Variants in RPAP2 observed in about 807,000 individuals in gnomAD.
RPAP2 encodes RNA polymerase II associated protein 2.
A neutral mutation model predicts 73.1 loss-of-function variants in RPAP2; 52 were observed. That is an observed-to-expected ratio of 0.71 (90% CI 0.57 to 0.90). The LOEUF (loss-of-function observed/expected upper bound fraction) is 0.90, where lower values mean the gene tolerates loss of function less well. Ranked by LOEUF, RPAP2 falls within the 40% of genes least tolerant of loss-of-function variation. The probability of loss-of-function intolerance (pLI) is 0.00; values close to 1 mark genes in which losing one functional copy is unlikely to be tolerated. For synonymous variants in RPAP2, 225 were observed against 242.1 expected, an observed-to-expected ratio of 0.93 and a Z score of 0.65; for missense variants, 598 against 701.8, an observed-to-expected ratio of 0.85 and a Z score of 1.67.
At chr1:92,302,288 T>C (rs988633874) in intron 3 of RPAP2, among the ~76,000 whole-genome samples, 5 of 122,004 alleles carry the variant, frequency 4.1e-5, no homozygotes, top group African/African-American at 1.5e-4. Flanking sequence ...AAAATAAGTA[T>C]ATAAATAATA....
At position 92,386,091 on chromosome 1, in the gene RPAP2, G is replaced by A. The variant is rs1168202944; in HGVS notation, c.*-920G>A. 5.3e-5 allele frequency among the ~76,000 whole-genome samples: 8 copies of A among 152,268 alleles called. No individual in the cohort carries two copies. The South Asian group carries it at 8.3e-4, about 16-fold the overall frequency. ...CACAACATGGCATGTGGCTTCCATC[G>A]GAGTGAGCCAGTGAGAGAGGATACC... On this transcript the variant is annotated intron_variant, in intron 12 of 12. Coordinates refer to ENST00000610020, the MANE Select transcript of RPAP2 (RefSeq NM_024813.3).
In RPAP2 at chr1:92,305,432, C is replaced by CAAAAA. The variant is rs71091273; in HGVS notation, c.399+1098_399+1102dup. 2.4e-3 allele frequency among the ~76,000 whole-genome samples: 124 copies of CAAAAA among 52,600 alleles called. 11 individuals are homozygous for CAAAAA. Among genetic ancestry groups the CAAAAA allele is most frequent in the East Asian group, 5.5e-3 (4 of 728 alleles). 34.5% of individuals were successfully genotyped at this position (52,600 alleles called of 152,430 possible). On this transcript the variant is annotated intron_variant, in intron 5 of 12. Coordinates refer to ENST00000610020, the MANE Select transcript of RPAP2 (RefSeq NM_024813.3). ...GGGGCAACAGAGTGAGGCTCCGTCT[C>CAAAAA]AAAAAAAAAAAAAAAAAAAGACAAT...
intron 11 of RPAP2, among the ~76,000 whole-genome samples, chr1:92,358,409 C>A (rs888201140): frequency 6.6e-6 from 1 of 151,898 alleles, no homozygotes; most frequent in African/African-American, 2.4e-5. Context: ...TTCCTCCTCA[C>A]GAAACTTTCC....
chr1:92,302,900 C>T (rs1388015538), intron 3 of RPAP2, among the ~76,000 whole-genome samples: 1 of 151,784 alleles, frequency 6.6e-6, no homozygotes, highest in Non-Finnish European at 1.5e-5. Flanking sequence ...GCTCTCGGCC[C>T]GCATTAATTT....
intron 12 of RPAP2, among the ~76,000 whole-genome samples, chr1:92,382,173 T>C (rs1655670759): frequency 6.6e-6 from 1 of 152,196 alleles, no homozygotes; most frequent in Admixed American, 6.5e-5. Context: ...CTATCATTGT[T>C]GGACATTTAG....
chr1:92,329,177 C>T (rs575340170), intron 8 of RPAP2, among the ~76,000 whole-genome samples: 2 of 152,310 alleles, frequency 1.3e-5, no homozygotes, highest in Admixed American at 1.3e-4. Flanking sequence ...AGGATACAAG[C>T]TTGCTCTGGG....
intron 6 of RPAP2, among the ~76,000 whole-genome samples, chr1:92,307,566 T>C (rs1307297843): frequency 6.6e-6 from 1 of 152,186 alleles, no homozygotes; most frequent in Non-Finnish European, 1.5e-5. Context: ...CCTGTTAATA[T>C]AATAATCCTG....
intron 9 of RPAP2, among the ~76,000 whole-genome samples, chr1:92,333,795 T>C (rs1193412111): frequency 1.3e-5 from 2 of 152,178 alleles, no homozygotes; most frequent in East Asian, 3.8e-4. Context: ...AAATACTGAT[T>C]TGCGGTAAAT....
intron 6 of RPAP2, among the ~76,000 whole-genome samples, chr1:92,307,996 C>G (rs988196682): frequency 6.6e-6 from 1 of 151,766 alleles, no homozygotes; most frequent in Non-Finnish European, 1.5e-5. Context: ...GGCAGTGTTA[C>G]TTGTGGTAAG....
intron 11 of RPAP2, among the ~76,000 whole-genome samples, chr1:92,362,506 A>C (rs576052749): frequency 4.3e-4 from 65 of 152,256 alleles, no homozygotes; most frequent in Admixed American, 4.3e-3. Flanking sequence ...TGAGTTTGGG[A>C]TTTGGCTGTT....
intron 11 of RPAP2, among the ~76,000 whole-genome samples, chr1:92,351,738 C>T (rs554577003): frequency 6.6e-6 from 1 of 152,148 alleles, no homozygotes; most frequent in Non-Finnish European, 1.5e-5. Flanking sequence ...AGAAGGCTAT[C>T]GAGAAGCAGC....
chr1:92,344,467 G>A (rs772437254), intron 10 of RPAP2, among the ~76,000 whole-genome samples: 32 of 152,116 alleles, frequency 2.1e-4, no homozygotes, highest in Non-Finnish European at 4.6e-4. Flanking sequence ...AGCAAAATAT[G>A]TAAATCTAGT....
chr1:92,374,345 C>G (rs1284859961), intron 11 of RPAP2, among the ~76,000 whole-genome samples: 4 of 152,152 alleles, frequency 2.6e-5, no homozygotes, highest in African/African-American at 9.7e-5. Flanking sequence ...ATGAAAAGAA[C>G]AGTTCTGGTA....
chr1:92,309,260 G>T (rs1256737763), intron 6 of RPAP2, among the ~76,000 whole-genome samples: 1 of 152,024 alleles, frequency 6.6e-6, no homozygotes, highest in Non-Finnish European at 1.5e-5. Flanking sequence ...TGGCCAACAT[G>T]GTGAAACCCT....
Position 92,304,318 on chromosome 1 carries a change from C to A in RPAP2, c.368C>A (p.Thr123Asn). The A allele has an allele frequency of 6.6e-7, 1 of 1,518,798 alleles. No homozygotes were observed. Among genetic ancestry groups the A allele is most frequent in the Non-Finnish European group, 9.1e-7 (1 of 1,104,526 alleles). The allele number at this position is 1,518,798 out of a possible 1,614,324, so 94.1% of individuals were successfully genotyped here. A position where few individuals can be genotyped will look rare whatever the true frequency, so the allele number is the denominator to read the frequency against. Reference protein sequence around the residue: ...PKQKYKISTKTNKVYDITERK... With the variant: ...PKQKYKISTKNNKVYDITERK... Reference sequence around the variant, plus strand: ...CAGAAATATAAAATTTCTACCAAAACCAATAAAGTCTATGATATTACTGAA... The same window carrying A: ...CAGAAATATAAAATTTCTACCAAAAACAATAAAGTCTATGATATTACTGAA... Residue 123 changes from threonine to asparagine, a missense_variant, in exon 5 of 13, where the codon ACC becomes AAC. Physicochemically the swap from Thr to Asn is moderately conservative, Grantham distance 65 (BLOSUM62 0). This residue lies in a region of RPAP2 where 506 missense variants were observed against 612.8 expected (regional missense o/e 0.83). Coordinates refer to ENST00000610020, the MANE Select transcript of RPAP2 (RefSeq NM_024813.3).
chr1:92,369,030 A>G (rs1223867275), intron 11 of RPAP2, among the ~76,000 whole-genome samples: 1 of 152,180 alleles, frequency 6.6e-6, no homozygotes, highest in East Asian at 1.9e-4. Context: ...AATTATATTC[A>G]CCAGCAGATA....
chr1:92,357,161 T>C (rs1476836071), intron 11 of RPAP2, among the ~76,000 whole-genome samples: 2 of 151,960 alleles, frequency 1.3e-5, no homozygotes, highest in Non-Finnish European at 2.9e-5. Flanking sequence ...TAAGACTGTG[T>C]CTTAGACCCT....
intron 8 of RPAP2, among the ~76,000 whole-genome samples, chr1:92,329,042 G>C (rs1206245419): frequency 2.2e-4 from 34 of 152,332 alleles, no homozygotes; most frequent in Non-Finnish European, 5.9e-5. Flanking sequence ...GGAGGTACAG[G>C]GGAGTGAAGT....
chr1:92,371,900 A>C (rs1478290052), intron 11 of RPAP2, among the ~76,000 whole-genome samples: 1 of 151,290 alleles, frequency 6.6e-6, no homozygotes, highest in Non-Finnish European at 1.5e-5. Context: ...AAAAAAAAAA[A>C]AAAAAAAACC....
Sources: gnomAD v4.1 joint callset for allele counts (sites outside exome capture counted in the v4.1 genomes callset) on GRCh38, gnomAD v4.1.1 for gene constraint, gnomAD v4.1.1 regional missense constraint, MANE v1.5 for transcripts, NCBI Gene and HGNC (gene_info 2026-07-23, HGNC 2026-07-21) for gene names.